PLXDC2: variants seen among roughly 807,000 people sequenced by gnomAD.
The protein encoded by PLXDC2 is plexin domain containing 2.
A neutral mutation model predicts 68.9 loss-of-function variants in PLXDC2; 40 were observed. The ratio of observed to expected loss-of-function variants is 0.58; its 90% CI spans 0.45 to 0.76. The LOEUF (loss-of-function observed/expected upper bound fraction) is 0.76. PLXDC2 is among the 30% of genes least tolerant of loss of function. The probability of loss-of-function intolerance (pLI) is 0.00; values close to 1 mark genes in which losing one functional copy is unlikely to be tolerated. For synonymous variants in PLXDC2, 243 were observed against 234.2 expected (o/e 1.04, Z -0.34); for missense variants, 644 against 661.9 (o/e 0.97, Z 0.30).
chr10:20,223,274 A>G (rs1835239648), intron 12 of PLXDC2, among the ~76,000 whole-genome samples: 1 of 151,956 alleles, frequency 6.6e-6, no homozygotes, highest in Admixed American at 6.6e-5. Context: ...CCAAGTCTTT[A>G]ACAACATCAT....
At chr10:19,886,615 G>C (rs930029293) in intron 1 of PLXDC2, among the ~76,000 whole-genome samples, 1 of 152,026 alleles carries the variant, frequency 6.6e-6, no homozygotes, top group African/African-American at 2.4e-5. Context: ...GGAATTGATG[G>C]GACATATCTC....
At position 20,238,713 on chromosome 10, in the gene PLXDC2, A is replaced by G. The variant is rs570643714; in HGVS notation, c.1313-6632A>G. ...TATATACACACATATATATGTGTAT[A>G]TATACACATATACATACATATATAT... On this transcript the variant is annotated intron_variant, in intron 12 of 13. Coordinates refer to ENST00000377252, the MANE Select transcript of PLXDC2 (RefSeq NM_032812.9). Among the ~76,000 whole-genome samples, 15 of 143,930 alleles carry G rather than the reference A, an allele frequency of 1.0e-4. No homozygotes were observed. In the East Asian group the frequency reaches 2.0e-3, roughly 19 times the overall value. The allele number at this position is 143,930 out of a possible 152,430, so 94.4% of individuals were successfully genotyped here.
At chr10:20,239,019 A>G (rs1205219234) in intron 12 of PLXDC2, among the ~76,000 whole-genome samples, 1 of 152,068 alleles carries the variant, frequency 6.6e-6, no homozygotes, top group Non-Finnish European at 1.5e-5. Flanking sequence ...TTTAAAGTAT[A>G]TTCCTGTATT....
At chr10:19,913,442 G>A (rs1412602325) in intron 1 of PLXDC2, among the ~76,000 whole-genome samples, 1 of 152,028 alleles carries the variant, frequency 6.6e-6, no homozygotes, top group Non-Finnish European at 1.5e-5. Context: ...CCAGTATTAG[G>A]TATTTTTTAT....
intron 1 of PLXDC2, among the ~76,000 whole-genome samples, chr10:19,886,976 G>A (rs1343988100): frequency 6.6e-6 from 1 of 152,144 alleles, no homozygotes; most frequent in Admixed American, 6.5e-5. Context: ...GTGATAGAAT[G>A]AGAATGAAAA....
intron 1 of PLXDC2, among the ~76,000 whole-genome samples, chr10:19,947,274 G>C (rs927820833): frequency 6.6e-6 from 1 of 152,156 alleles, no homozygotes; most frequent in African/African-American, 2.4e-5. Context: ...AAAACTGTAT[G>C]GTAAGAGACT....
chr10:20,042,059 A>G (rs1589601109), intron 2 of PLXDC2, among the ~76,000 whole-genome samples: 2 of 152,266 alleles, frequency 1.3e-5, no homozygotes, highest in South Asian at 2.1e-4. Context: ...CATTCATCCC[A>G]GACATTTATT....
intron 4 of PLXDC2, among the ~76,000 whole-genome samples, chr10:20,069,465 T>G (rs145081209): frequency 5.4e-4 from 82 of 152,174 alleles, no homozygotes; most frequent in African/African-American, 1.4e-3. Flanking sequence ...AAGACAAGCC[T>G]GGGCAACACT....
intron 1 of PLXDC2, among the ~76,000 whole-genome samples, chr10:19,952,949 C>T (rs1439863878): frequency 1.3e-5 from 2 of 151,992 alleles, no homozygotes; most frequent in African/African-American, 4.8e-5. Flanking sequence ...ACTGCAACTT[C>T]CACATCCTGG....
chr10:19,933,763 T>TAA (rs753662233), intron 1 of PLXDC2, among the ~76,000 whole-genome samples: 110 of 145,200 alleles, frequency 7.6e-4, no homozygotes, highest in Non-Finnish European at 1.3e-3. Flanking sequence ...AAAAGGAAGA[T>TAA]AAAGTATGGA....
intron 2 of PLXDC2, among the ~76,000 whole-genome samples, chr10:20,033,023 G>A (rs1835525472): frequency 7.2e-6 from 1 of 139,406 alleles, no homozygotes; most frequent in Non-Finnish European, 1.5e-5. Context: ...TCACACACCG[G>A]GGCCTGTTGT....
At chr10:19,913,812 G>A (rs1833317570) in intron 1 of PLXDC2, among the ~76,000 whole-genome samples, 1 of 152,004 alleles carries the variant, frequency 6.6e-6, no homozygotes, top group Non-Finnish European at 1.5e-5. Flanking sequence ...TGTATCTTTT[G>A]TAATATTACA....
chr10:20,183,116 T>G (rs1346208914), intron 9 of PLXDC2, among the ~76,000 whole-genome samples: 1 of 152,068 alleles, frequency 6.6e-6, no homozygotes, highest in Non-Finnish European at 1.5e-5. Context: ...TGAAAAGAAA[T>G]AAAGAGTTTG....
At chr10:19,876,246 G>C (rs1837629816) in intron 1 of PLXDC2, among the ~76,000 whole-genome samples, 1 of 152,106 alleles carries the variant, frequency 6.6e-6, no homozygotes, top group South Asian at 2.1e-4. Flanking sequence ...TGCTATCTTT[G>C]AAATTGATTT....
At chr10:19,915,499 T>G (rs556221361) in intron 1 of PLXDC2, among the ~76,000 whole-genome samples, 4 of 152,342 alleles carry the variant, frequency 2.6e-5, no homozygotes, top group African/African-American at 9.6e-5. Flanking sequence ...TTATCAGATT[T>G]AATTTTAAAA....
At chr10:19,877,857 C>G (rs1351412599) in intron 1 of PLXDC2, among the ~76,000 whole-genome samples, 1 of 152,236 alleles carries the variant, frequency 6.6e-6, no homozygotes, top group South Asian at 2.1e-4. Context: ...TTCCTTCCCT[C>G]TTATTTGGTC....
chr10:20,060,932 A>G (rs1836091331), intron 3 of PLXDC2, among the ~76,000 whole-genome samples: 1 of 152,164 alleles, frequency 6.6e-6, no homozygotes, highest in African/African-American at 2.4e-5. Flanking sequence ...ACACATTTGG[A>G]TTGAAGTCTT....
chr10:19,842,751 G>A (rs1836933140), intron 1 of PLXDC2, among the ~76,000 whole-genome samples: 1 of 152,102 alleles, frequency 6.6e-6, no homozygotes, highest in South Asian at 2.1e-4. Flanking sequence ...CTTAACTTGT[G>A]GATAGACTTT....
chr10:19,997,523 C>G (rs1389142476), intron 1 of PLXDC2, among the ~76,000 whole-genome samples: 1 of 152,106 alleles, frequency 6.6e-6, no homozygotes, highest in African/African-American at 2.4e-5. Flanking sequence ...GGTGGTTTCA[C>G]CTGTCTTATG....
Sources: allele counts gnomAD v4.1 joint callset (sites outside exome capture counted in the v4.1 genomes callset), GRCh38; gene constraint gnomAD v4.1.1; transcripts MANE v1.5; gene names NCBI Gene and HGNC (gene_info 2026-07-23, HGNC 2026-07-21).